SCFD2: variants seen among roughly 807,000 people sequenced by gnomAD.
The protein encoded by SCFD2 is sec1 family domain-containing protein 2.
A neutral mutation model predicts 58.9 loss-of-function variants in SCFD2; 54 were observed. The observed-to-expected ratio is 0.92, with a 90% CI of 0.74 to 1.15. The LOEUF (loss-of-function observed/expected upper bound fraction) is 1.15, where lower values mean the gene tolerates loss of function less well. Among genes scored for constraint, SCFD2 ranks in the 50% most tolerant of loss-of-function variants. SCFD2 has a pLI of 0.00. For synonymous variants in SCFD2, 321 were observed against 335.9 expected (o/e 0.96, Z 0.49); for missense variants, 805 against 836.6 (o/e 0.96, Z 0.47).
At chr4:52,946,222 C>T (rs1720421940) in intron 5 of SCFD2, among the ~76,000 whole-genome samples, 2 of 151,876 alleles carry the variant, frequency 1.3e-5, no homozygotes, top group South Asian at 4.2e-4. Flanking sequence ...CTATGTTTTC[C>T]TTCTTGGTAT....
At chr4:53,323,566 G>A (rs1483063273) in intron 2 of SCFD2, among the ~76,000 whole-genome samples, 11 of 120,962 alleles carry the variant, frequency 9.1e-5, no homozygotes, top group East Asian at 2.8e-4. Context: ...TACTTTTTGC[G>A]GAGATGAATT....
At chr4:53,245,828 A>T (rs754739435) in intron 4 of SCFD2, among the ~76,000 whole-genome samples, 2 of 152,182 alleles carry the variant, frequency 1.3e-5, no homozygotes, top group Non-Finnish European at 2.9e-5. Flanking sequence ...CCTATTCAAC[A>T]TAGTATTGGA....
chr4:52,941,891 T>C (rs1720302836), intron 5 of SCFD2, among the ~76,000 whole-genome samples: 2 of 152,224 alleles, frequency 1.3e-5, no homozygotes, highest in Admixed American at 6.5e-5. Context: ...TGATACTTAC[T>C]GGTTGAGCAT....
At chr4:53,302,823 C>G (rs1298037283) in intron 3 of SCFD2, among the ~76,000 whole-genome samples, 1 of 152,160 alleles carries the variant, frequency 6.6e-6, no homozygotes, top group Non-Finnish European at 1.5e-5. Context: ...TGTTCTTTGA[C>G]AAACCTGACA....
At chr4:53,052,073 A>G (rs983617651) in intron 5 of SCFD2, among the ~76,000 whole-genome samples, 1 of 152,176 alleles carries the variant, frequency 6.6e-6, no homozygotes, top group Non-Finnish European at 1.5e-5. Context: ...ATATGACATT[A>G]TTCCCCTTCT....
At chr4:53,247,048 G>C (rs778060446) in intron 4 of SCFD2, among the ~76,000 whole-genome samples, 6 of 145,720 alleles carry the variant, frequency 4.1e-5, no homozygotes, top group Non-Finnish European at 6.0e-5. Flanking sequence ...AGTGGGCAAA[G>C]GTTGAATACT....
intron 5 of SCFD2, among the ~76,000 whole-genome samples, chr4:52,973,427 G>A (rs1301041384): frequency 6.6e-6 from 1 of 152,172 alleles, no homozygotes; most frequent in Non-Finnish European, 1.5e-5. Flanking sequence ...AGAAGACATG[G>A]ATAAATTCCT....
At chr4:53,104,985 C>T (rs981983078) in intron 5 of SCFD2, among the ~76,000 whole-genome samples, 6 of 152,106 alleles carry the variant, frequency 3.9e-5, no homozygotes, top group African/African-American at 1.4e-4. Flanking sequence ...AAGTGAGGTA[C>T]CTGCCTCATG....
At chr4:53,100,549 G>A (rs1724804040) in intron 5 of SCFD2, among the ~76,000 whole-genome samples, 1 of 152,176 alleles carries the variant, frequency 6.6e-6, no homozygotes, top group Non-Finnish European at 1.5e-5. Flanking sequence ...TAAATTAGGT[G>A]TTGAAAGGTC....
At chr4:53,036,383 T>C (rs949974072) in intron 5 of SCFD2, among the ~76,000 whole-genome samples, 1 of 150,146 alleles carries the variant, frequency 6.7e-6, no homozygotes, top group African/African-American at 2.4e-5. Context: ...GCAAAGGACA[T>C]GAATGTACAT....
At chr4:53,328,050 G>C (rs1201478372) in intron 2 of SCFD2, among the ~76,000 whole-genome samples, 1 of 151,954 alleles carries the variant, frequency 6.6e-6, no homozygotes, top group Non-Finnish European at 1.5e-5. Flanking sequence ...CAGGAGAATT[G>C]CTTGAACCCA....
intron 5 of SCFD2, among the ~76,000 whole-genome samples, chr4:53,005,289 T>C (rs1481235317): frequency 3.9e-5 from 6 of 152,204 alleles, no homozygotes; most frequent in Non-Finnish European, 7.3e-5. Flanking sequence ...GCTAATTCTG[T>C]ACTTTTCCAT....
intron 5 of SCFD2, among the ~76,000 whole-genome samples, chr4:53,053,147 C>T (rs865814324): frequency 6.6e-6 from 1 of 151,732 alleles, no homozygotes; most frequent in Non-Finnish European, 1.5e-5. Flanking sequence ...ATCATTTGAA[C>T]CCAGGAGGCG....
At chr4:53,255,085 T>A (rs572552133) in intron 4 of SCFD2, among the ~76,000 whole-genome samples, 3 of 151,002 alleles carry the variant, frequency 2.0e-5, no homozygotes, top group South Asian at 2.1e-4. Context: ...GTTATCCAGG[T>A]TGGTCTCAAT....
chr4:53,293,715 T>A (rs1284917037), intron 3 of SCFD2, among the ~76,000 whole-genome samples: 2 of 152,154 alleles, frequency 1.3e-5, no homozygotes, highest in African/African-American at 4.8e-5. Context: ...AAATCTGGTA[T>A]ATGGCAGGAA....
At chr4:52,925,254 CAT>C (rs1491287247) in intron 5 of SCFD2, among the ~76,000 whole-genome samples, 7,190 of 149,532 alleles carry the variant, frequency 0.048, 206 homozygotes, top group South Asian at 0.12. Flanking sequence ...GCTAAGGCCA[CAT>C]GTGTATATAT....
intron 7 of SCFD2, among the ~76,000 whole-genome samples, chr4:52,897,220 T>TCCC (rs1262574950): frequency 6.6e-6 from 1 of 152,252 alleles, no homozygotes; most frequent in African/African-American, 2.4e-5. Context: ...AGAGAGGGCA[T>TCCC]CCCTGTCTTG....
At chr4:53,272,894 T>C (rs1731218842) in intron 4 of SCFD2, among the ~76,000 whole-genome samples, 1 of 152,138 alleles carries the variant, frequency 6.6e-6, no homozygotes, top group South Asian at 2.1e-4. Flanking sequence ...AGCAAGCTAT[T>C]TAGGGATATT....
At chr4:53,120,915 C>T (rs1725460392) in intron 5 of SCFD2, among the ~76,000 whole-genome samples, 1 of 152,170 alleles carries the variant, frequency 6.6e-6, no homozygotes, top group Non-Finnish European at 1.5e-5. Flanking sequence ...CCCAAACTGC[C>T]CTGTAAGGTC....
Sources: allele counts gnomAD v4.1 joint callset (sites outside exome capture counted in the v4.1 genomes callset), GRCh38; gene constraint gnomAD v4.1.1; transcripts MANE v1.5; gene names NCBI Gene and HGNC (gene_info 2026-07-23, HGNC 2026-07-21).